ARHGAP6: variants seen among roughly 807,000 people sequenced by gnomAD.
ARHGAP6 encodes the protein Rho GTPase activating protein 6.
ARHGAP6 carries 16 observed loss-of-function variants against 55.7 expected under a neutral mutation model. The ratio of observed to expected loss-of-function variants is 0.29; its 90% CI spans 0.19 to 0.44. The LOEUF (loss-of-function observed/expected upper bound fraction) is 0.44, where lower values mean the gene tolerates loss of function less well. Ranked by LOEUF, ARHGAP6 falls within the 20% of genes least tolerant of loss-of-function variation. ARHGAP6 has a pLI of 1.00. For synonymous variants in ARHGAP6, 382 were observed against 360.9 expected (o/e 1.06, Z -0.66); for missense variants, 698 against 808.9 (o/e 0.86, Z 1.66).
At chrX:11,399,203 T>A (rs1220820421) in intron 1 of ARHGAP6, among the ~76,000 whole-genome samples, 3 of 110,580 alleles carry the variant, frequency 2.7e-5, no homozygotes, top group African/African-American at 9.9e-5. Flanking sequence ...AGGGAAACTA[T>A]ATGAAGCAAA....
At chrX:11,413,206 G>A (rs947987875) in intron 1 of ARHGAP6, among the ~76,000 whole-genome samples, 12 of 112,346 alleles carry the variant, frequency 1.1e-4, no homozygotes, top group Admixed American at 3.8e-4. Flanking sequence ...ACAAAGACTC[G>A]TGGACATTAT....
chrX:11,250,397 A>G (rs2047408123), intron 2 of ARHGAP6, among the ~76,000 whole-genome samples: 1 of 111,939 alleles, frequency 8.9e-6, no homozygotes, highest in African/African-American at 3.2e-5. Flanking sequence ...ATACTGTATT[A>G]GCTTCCTAGT....
intron 1 of ARHGAP6, among the ~76,000 whole-genome samples, chrX:11,401,795 C>A (rs2049552300): frequency 8.9e-6 from 1 of 112,146 alleles, no homozygotes. Context: ...CAAAACTCAG[C>A]AAATGTTTGT....
At chrX:11,325,789 G>T (rs1004280581) in intron 1 of ARHGAP6, among the ~76,000 whole-genome samples, 1 of 112,286 alleles carries the variant, frequency 8.9e-6, no homozygotes, top group African/African-American at 3.2e-5. Context: ...TCTCAACTGA[G>T]GATGACTTCA....
At chrX:11,240,546 C>A (rs2047260853) in intron 2 of ARHGAP6, among the ~76,000 whole-genome samples, 1 of 111,438 alleles carries the variant, frequency 9.0e-6, no homozygotes, top group African/African-American at 3.3e-5. Context: ...CTATTCTTGG[C>A]TTGGGAATAT....
chrX:11,463,786 C>G (rs1055278364), intron 1 of ARHGAP6, among the ~76,000 whole-genome samples: 4 of 112,597 alleles, frequency 3.6e-5, no homozygotes, highest in Admixed American at 9.4e-5. Context: ...TTCCCACAGA[C>G]AGCACCTCAC....
At chrX:11,415,046 A>G (rs1444605115) in intron 1 of ARHGAP6, among the ~76,000 whole-genome samples, 7 of 112,281 alleles carry the variant, frequency 6.2e-5, no homozygotes, top group African/African-American at 2.3e-4. Flanking sequence ...AAAAATAAGT[A>G]TGTGAAGTAA....
rs1297006837 is a variant in ARHGAP6 at position 11,665,353 on chromosome X, TCCTC to T, written c.-529_-526del. ...CCGCGCTCCCGGCGCCGCGAGAACTTCCTCCCGCTCCTGAGCCGGGCGCCTGAGC... is the reference window on the plus strand; with the variant it reads ...CCGCGCTCCCGGCGCCGCGAGAACTTCCGCTCCTGAGCCGGGCGCCTGAGC... On this transcript the variant is annotated 5_prime_UTR_variant, in exon 1 of 13. Coordinates refer to ENST00000337414, the MANE Select transcript of ARHGAP6 (RefSeq NM_013427.3). 8.8e-6 allele frequency: 1 copy of T among 113,116 alleles called. No homozygotes were observed. Among genetic ancestry groups the T allele is most frequent in the East Asian group, 2.8e-4 (1 of 3,529 alleles). The allele number at this position is 113,116 out of a possible 1,213,427, so 9.3% of individuals were successfully genotyped here. A position where few individuals can be genotyped will look rare whatever the true frequency, so the allele number is the denominator to read the frequency against.
At chrX:11,652,426 T>C (rs774177134) in intron 1 of ARHGAP6, among the ~76,000 whole-genome samples, 1 of 112,250 alleles carries the variant, frequency 8.9e-6, no homozygotes, top group East Asian at 2.8e-4. Context: ...GGGTAAAGGA[T>C]TCCCTGCCTA....
At chrX:11,202,267 C>T (rs2046638307) in intron 2 of ARHGAP6, among the ~76,000 whole-genome samples, 2 of 110,387 alleles carry the variant, frequency 1.8e-5, no homozygotes, top group South Asian at 3.9e-4. Flanking sequence ...AAATCAGAGA[C>T]CTTCTGCCTA....
At chrX:11,198,347 C>T (rs913568864) in intron 2 of ARHGAP6, among the ~76,000 whole-genome samples, 1 of 111,653 alleles carries the variant, frequency 9.0e-6, no homozygotes, top group East Asian at 2.8e-4. Flanking sequence ...TGGCAACAGC[C>T]GTCAATCTCT....
intron 1 of ARHGAP6, among the ~76,000 whole-genome samples, chrX:11,439,058 T>C (rs2050015968): frequency 8.9e-6 from 1 of 112,358 alleles, no homozygotes; most frequent in East Asian, 2.8e-4. Context: ...CAACAGATGT[T>C]AGAAAGTGTT....
intron 1 of ARHGAP6, among the ~76,000 whole-genome samples, chrX:11,413,619 A>G (rs1465131904): frequency 1.8e-5 from 2 of 111,586 alleles, no homozygotes; most frequent in Admixed American, 1.9e-4. Flanking sequence ...GGAGTTCTGG[A>G]TACAGTAACA....
chrX:11,664,217 G>A (rs774071053), intron 1 of ARHGAP6, 24 bp downstream of exon 1: 102 of 1,174,726 alleles, frequency 8.7e-5, no homozygotes, highest in Non-Finnish European at 1.1e-4. Context: ...CTTGGGCCGT[G>A]GGACGCGCAG....
chrX:11,139,316 G>T lies in ARHGAP6; in HGVS notation c.2472C>A (p.Val824=). ...AVSRACSTPH[V]QVAGKAERPT... ...GCCGCTCGGCTTTCCCTGCCACCTGGACGTGGGGCGTGCTGCAGGCGCGCG... is the reference window on the plus strand; with the variant it reads ...GCCGCTCGGCTTTCCCTGCCACCTGTACGTGGGGCGTGCTGCAGGCGCGCG... The change falls in exon 13 of 13, where the codon GTC becomes GTA. Residue 824 remains valine, a synonymous_variant. Coordinates refer to ENST00000337414, the MANE Select transcript of ARHGAP6 (RefSeq NM_013427.3). 8.5e-7 allele frequency: 1 copy of T among 1,183,304 alleles called. No individual in the cohort carries two copies. Among genetic ancestry groups the T allele is most frequent in the South Asian group, 1.8e-5 (1 of 54,181 alleles).
At chrX:11,639,876 T>C (rs937775729) in intron 1 of ARHGAP6, among the ~76,000 whole-genome samples, 7 of 111,177 alleles carry the variant, frequency 6.3e-5, no homozygotes, top group African/African-American at 2.3e-4. Flanking sequence ...CCATTGGATT[T>C]TTAAAAGTAG....
intron 3 of ARHGAP6, among the ~76,000 whole-genome samples, chrX:11,195,360 A>G (rs969746938): frequency 1.5e-4 from 17 of 110,344 alleles, no homozygotes; most frequent in Non-Finnish European, 2.5e-4. Context: ...TTGAAAAAAA[A>G]AAAAGGCACA....
intron 1 of ARHGAP6, among the ~76,000 whole-genome samples, chrX:11,427,954 G>A (rs1372298322): frequency 8.9e-6 from 1 of 112,194 alleles, no homozygotes; most frequent in African/African-American, 3.2e-5. Context: ...GACAGCTGTT[G>A]GGGGCTGCGG....
At chrX:11,241,571 T>TGC (rs796874137) in intron 2 of ARHGAP6, among the ~76,000 whole-genome samples, 3 of 101,963 alleles carry the variant, frequency 2.9e-5, no homozygotes, top group Admixed American at 1.0e-4. Context: ...TGTGTGTGTG[T>TGC]GTGCGCGTGT....
Sources: gnomAD v4.1 joint callset for allele counts (sites outside exome capture counted in the v4.1 genomes callset) on GRCh38, gnomAD v4.1.1 for gene constraint, MANE v1.5 for transcripts, NCBI Gene and HGNC (gene_info 2026-07-23, HGNC 2026-07-21) for gene names.